Variants in MAMLD1 observed in about 807,000 individuals in gnomAD.
The protein encoded by MAMLD1 is mastermind like domain containing 1.
A neutral mutation model predicts 45.0 loss-of-function variants in MAMLD1; 14 were observed. The ratio of observed to expected loss-of-function variants is 0.31; its 90% CI spans 0.21 to 0.49. The LOEUF is 0.49. Ranked by LOEUF, MAMLD1 falls within the 20% of genes least tolerant of loss-of-function variation. The pLI is 0.99. For synonymous variants in MAMLD1, 254 were observed against 247.8 expected, an observed-to-expected ratio of 1.02 and a Z score of -0.24; for missense variants, 543 against 603.6, an observed-to-expected ratio of 0.90 and a Z score of 1.05.
intron 1 of MAMLD1, among the ~76,000 whole-genome samples, chrX:150,394,888 A>C (rs1557402244): frequency 9.0e-6 from 1 of 111,391 alleles, no homozygotes; most frequent in Non-Finnish European, 1.9e-5. Context: ...AAACAAAGGC[A>C]GTTTTATTTC....
rs782133670 is a variant in MAMLD1 at position 150,485,892 on chromosome X, G to A, written c.2040+12090G>A. Among the ~76,000 whole-genome samples the A allele has an allele frequency of 9.8e-5, 11 of 111,787 alleles. No individual in the cohort carries two copies. The East Asian group carries it at 3.1e-3, about 32-fold the overall frequency. ...CTCAAGGCTGAGCAGGGTTCAGCAG[G>A]CCCCAAGCTTCATCATTAAAAATCG... is the stretch of plus-strand genomic sequence containing the variant. On this transcript the variant is annotated intron_variant, in intron 5 of 7. Coordinates refer to ENST00000370401, the MANE Select transcript of MAMLD1 (RefSeq NM_005491.5).
intron 5 of MAMLD1, among the ~76,000 whole-genome samples, chrX:150,480,645 G>C (rs1489930359): frequency 8.9e-6 from 1 of 112,061 alleles, no homozygotes; most frequent in Non-Finnish European, 1.9e-5. Context: ...TTTCTTCGAT[G>C]TTTTCTCCTT....
intron 1 of MAMLD1, among the ~76,000 whole-genome samples, chrX:150,387,596 T>C (rs1019797983): frequency 1.3e-4 from 15 of 112,142 alleles, no homozygotes; most frequent in African/African-American, 4.9e-4. Flanking sequence ...GATTTTGATA[T>C]ATGAGTGGGG....
chrX:150,430,095 C>T (rs1321703985), intron 1 of MAMLD1, among the ~76,000 whole-genome samples: 1 of 88,881 alleles, frequency 1.1e-5, no homozygotes, highest in African/African-American at 4.3e-5. Flanking sequence ...GATCTTGGCT[C>T]ACTGCAACCT....
chrX:150,507,075 C>T (rs1418563027), intron 6 of MAMLD1, among the ~76,000 whole-genome samples: 1 of 112,090 alleles, frequency 8.9e-6, no homozygotes, highest in Admixed American at 9.4e-5. Flanking sequence ...TTGCATAGAA[C>T]TCAGTGCTGC....
intron 1 of MAMLD1, among the ~76,000 whole-genome samples, chrX:150,367,780 A>T (rs2124444436): frequency 9.2e-6 from 1 of 108,732 alleles, no homozygotes; most frequent in South Asian, 4.2e-4. Context: ...TCATTGTTCA[A>T]TTCCCACCTA....
intron 5 of MAMLD1, among the ~76,000 whole-genome samples, chrX:150,476,917 C>T (rs782115240): frequency 1.8e-5 from 2 of 113,436 alleles, no homozygotes; most frequent in East Asian, 5.6e-4. Flanking sequence ...GCAGCTCCCT[C>T]TAAAGTGGGG....
intron 2 of MAMLD1, among the ~76,000 whole-genome samples, chrX:150,453,851 C>G (rs1420279474): frequency 8.9e-6 from 1 of 112,330 alleles, no homozygotes; most frequent in Non-Finnish European, 1.9e-5. Flanking sequence ...CAGTCCTTCT[C>G]CTGGCCTGCT....
At chrX:150,469,606 CCT>C (rs200460474) in intron 3 of MAMLD1, 137 bp from the exon 4 acceptor site, 78,090 of 304,608 alleles carry the variant, frequency 0.26, 2,106 homozygotes, top group Middle Eastern at 0.29. Flanking sequence ...TATAAAAATT[CCT>C]CTCTCTCTCT....
At chrX:150,508,736 G>A (rs1199161829) in intron 6 of MAMLD1, among the ~76,000 whole-genome samples, 4 of 112,543 alleles carry the variant, frequency 3.6e-5, no homozygotes, top group Admixed American at 9.3e-5. Context: ...GGCACTGCAC[G>A]GGCAGCCCGT....
chrX:150,462,302 G>A (rs188793625), intron 2 of MAMLD1, among the ~76,000 whole-genome samples: 67 of 112,100 alleles, frequency 6.0e-4, no homozygotes, highest in Non-Finnish European at 9.4e-4. Flanking sequence ...GAGGCACATA[G>A]GAGAGGGTTG....
chrX:150,403,995 A>G (rs890665624), intron 1 of MAMLD1, among the ~76,000 whole-genome samples: 8 of 91,401 alleles, frequency 8.8e-5, no homozygotes, highest in Middle Eastern at 0.011. Context: ...AAAGAAAGAA[A>G]GAAGAAAGGA....
chrX:150,501,507 G>A (rs2037551555), intron 5 of MAMLD1, among the ~76,000 whole-genome samples: 1 of 112,149 alleles, frequency 8.9e-6, no homozygotes, highest in South Asian at 3.7e-4. Flanking sequence ...CCCCATGGGA[G>A]GGGCACTGAG....
intron 1 of MAMLD1, among the ~76,000 whole-genome samples, chrX:150,405,766 G>A (rs782041433): frequency 1.3e-4 from 15 of 111,564 alleles, no homozygotes; most frequent in African/African-American, 4.6e-4. Flanking sequence ...TAATATCAGC[G>A]AATTCCTCAC....
chrX:150,383,129 C>T lies in MAMLD1; in HGVS notation c.-64+19599C>T, dbSNP rs782431147. 4.2e-3 allele frequency among the ~76,000 whole-genome samples: 131 copies of T among 31,301 alleles called. 25 individuals carry two copies. The highest frequency in any genetic ancestry group is 4.4e-3 in the Non-Finnish European group (73 of 16,515). The allele number at this position is 31,301 out of a possible 115,157, so 27.2% of individuals were successfully genotyped here. A position where few individuals can be genotyped will look rare whatever the true frequency, so the allele number is the denominator to read the frequency against. Reference sequence around the variant, plus strand: ...CCGTGTTAGCCAGGATGGTCTCGATCTCCTGACCTCGTGATCCGCCCGCCT... The same window carrying T: ...CCGTGTTAGCCAGGATGGTCTCGATTTCCTGACCTCGTGATCCGCCCGCCT... On this transcript the variant is annotated intron_variant, in intron 1 of 7. Coordinates refer to ENST00000370401, the MANE Select transcript of MAMLD1 (RefSeq NM_005491.5).
At chrX:150,364,419 C>T (rs1272703034) in intron 1 of MAMLD1, among the ~76,000 whole-genome samples, 1 of 113,119 alleles carries the variant, frequency 8.8e-6, no homozygotes, top group Non-Finnish European at 1.9e-5. Flanking sequence ...GAAAGCTCGG[C>T]CCTGAAGCCA....
chrX:150,445,329 G>A lies in MAMLD1; in HGVS notation c.-63-125G>A. ...GGTGCTCAATGAGGGTGGTGGGTGG[G>A]AGGAAGGGAAAAGGAATGTGGCTGA... On this transcript the variant is annotated intron_variant, in intron 1 of 7. Coordinates refer to ENST00000370401, the MANE Select transcript of MAMLD1 (RefSeq NM_005491.5). 4 of 450,182 alleles carry A rather than the reference G, an allele frequency of 8.9e-6. No individual in the cohort carries two copies. In the Admixed American group the frequency reaches 1.3e-4, roughly 14 times the overall value. 37.1% of individuals were successfully genotyped at this position (450,182 alleles called of 1,213,427 possible). A position where few individuals can be genotyped will look rare whatever the true frequency, so the allele number is the denominator to read the frequency against.
chrX:150,401,802 G>C (rs1270869057), intron 1 of MAMLD1, among the ~76,000 whole-genome samples: 5 of 111,274 alleles, frequency 4.5e-5, no homozygotes, highest in East Asian at 2.8e-4. Flanking sequence ...ACAAATCTGA[G>C]AAAAACAAGC....
intron 2 of MAMLD1, among the ~76,000 whole-genome samples, chrX:150,448,826 C>T (rs2035573005): frequency 8.9e-6 from 1 of 111,863 alleles, no homozygotes; most frequent in African/African-American, 3.3e-5. Context: ...CCAGAGCCTG[C>T]ATGGAGTTGA....
Sources: allele counts gnomAD v4.1 joint callset (sites outside exome capture counted in the v4.1 genomes callset), GRCh38; gene constraint gnomAD v4.1.1; transcripts MANE v1.5; gene names NCBI Gene and HGNC (gene_info 2026-07-23, HGNC 2026-07-21).